Variants in UNC5D observed in about 807,000 individuals in gnomAD.
The protein encoded by UNC5D is unc-5 netrin receptor D.
A neutral mutation model predicts 105.4 loss-of-function variants in UNC5D; 39 were observed. That is an observed-to-expected ratio of 0.37 (90% CI 0.29 to 0.48). The LOEUF (loss-of-function observed/expected upper bound fraction) is 0.48. UNC5D is among the 20% of genes least tolerant of loss of function. UNC5D has a pLI of 0.98. For synonymous variants in UNC5D, 452 were observed against 450.4 expected (o/e 1.00, Z -0.04); for missense variants, 991 against 1,202.4 (o/e 0.82, Z 2.60).
chr8:35,361,432 G>A (rs1328582277), intron 1 of UNC5D, among the ~76,000 whole-genome samples: 2 of 152,112 alleles, frequency 1.3e-5, no homozygotes, highest in African/African-American at 4.8e-5. Context: ...TAACCTCCAT[G>A]AGACAACACA....
chr8:35,493,331 T>G (rs1416759497), intron 1 of UNC5D, among the ~76,000 whole-genome samples: 4 of 117,070 alleles, frequency 3.4e-5, no homozygotes, highest in African/African-American at 1.3e-4. Context: ...AACAAAAAAA[T>G]TCAACAGTTT....
chr8:35,747,534 G>C (rs1420305596), intron 11 of UNC5D, among the ~76,000 whole-genome samples: 1 of 152,096 alleles, frequency 6.6e-6, no homozygotes, highest in East Asian at 1.9e-4. Context: ...CCGTAGCATT[G>C]CTCTATATTC....
intron 1 of UNC5D, among the ~76,000 whole-genome samples, chr8:35,261,503 A>G (rs1804490334): frequency 6.6e-6 from 1 of 152,286 alleles, no homozygotes; most frequent in African/African-American, 2.4e-5. Context: ...AGAATCCAAA[A>G]GGTAAACAGC....
chr8:35,425,656 A>G (rs903218733), intron 1 of UNC5D, among the ~76,000 whole-genome samples: 1 of 152,078 alleles, frequency 6.6e-6, no homozygotes, highest in African/African-American at 2.4e-5. Flanking sequence ...CCTCAGAACC[A>G]ATTGTCTTTC....
intron 2 of UNC5D, among the ~76,000 whole-genome samples, chr8:35,556,109 A>T (rs938735167): frequency 6.6e-6 from 1 of 152,112 alleles, no homozygotes; most frequent in Non-Finnish European, 1.5e-5. Flanking sequence ...ATCACATAGC[A>T]CCTAATACAT....
chr8:35,383,394 G>A (rs1296962828), intron 1 of UNC5D, among the ~76,000 whole-genome samples: 3 of 152,172 alleles, frequency 2.0e-5, no homozygotes, highest in Non-Finnish European at 4.4e-5. Context: ...ATAGTCACGT[G>A]GAAGGAATGA....
chr8:35,397,563 A>G (rs1480358778), intron 1 of UNC5D, among the ~76,000 whole-genome samples: 1 of 152,202 alleles, frequency 6.6e-6, no homozygotes, highest in Non-Finnish European at 1.5e-5. Flanking sequence ...CTCAAGTTGC[A>G]CTTAACATCA....
Position 35,678,614 on chromosome 8 carries a change from TATG to T in UNC5D, c.571-4930_571-4928del, listed in dbSNP as rs1359184238. 5.9e-5 allele frequency among the ~76,000 whole-genome samples: 9 copies of T among 152,190 alleles called. No individual in the cohort carries two copies. The East Asian group carries it at 1.3e-3, about 23-fold the overall frequency. On this transcript the variant is annotated intron_variant, in intron 4 of 16. Transcript: ENST00000404895. ...TATTATTGTTTTTGTTTCATAAATT[TATG>T]ATAACACTAACCATAATTTTATATA...
chr8:35,327,217 A>G (rs1563316075), intron 1 of UNC5D, among the ~76,000 whole-genome samples: 1 of 152,194 alleles, frequency 6.6e-6, no homozygotes. Flanking sequence ...TTCCCAAAGG[A>G]TATTTCAGTG....
chr8:35,424,077 T>A (rs1806090006), intron 1 of UNC5D, among the ~76,000 whole-genome samples: 1 of 152,118 alleles, frequency 6.6e-6, no homozygotes, highest in Non-Finnish European at 1.5e-5. Context: ...TGGGATTATA[T>A]ACATGAGCCA....
At chr8:35,390,732 TTC>T (rs1218149823) in intron 1 of UNC5D, among the ~76,000 whole-genome samples, 1 of 152,222 alleles carries the variant, frequency 6.6e-6, no homozygotes, top group African/African-American at 2.4e-5. Context: ...TCTCAATAGT[TTC>T]TCTTTATGGA....
At chr8:35,607,771 G>A (rs1820403134) in intron 4 of UNC5D, among the ~76,000 whole-genome samples, 1 of 151,942 alleles carries the variant, frequency 6.6e-6, no homozygotes, top group Admixed American at 6.6e-5. Context: ...GAGGTACCTT[G>A]CTTCCCCTTC....
intron 1 of UNC5D, among the ~76,000 whole-genome samples, chr8:35,366,699 T>A (rs1208511455): frequency 1.3e-5 from 2 of 152,248 alleles, no homozygotes; most frequent in East Asian, 3.9e-4. Flanking sequence ...GGATGCTGGA[T>A]AATGTGCATT....
intron 1 of UNC5D, among the ~76,000 whole-genome samples, chr8:35,460,706 A>T (rs954456402): frequency 6.6e-6 from 1 of 152,202 alleles, no homozygotes; most frequent in Non-Finnish European, 1.5e-5. Context: ...CTTTGCACGC[A>T]TGTTGGAGAC....
intron 1 of UNC5D, among the ~76,000 whole-genome samples, chr8:35,493,486 A>G (rs1414841408): frequency 6.6e-6 from 1 of 151,734 alleles, no homozygotes; most frequent in Non-Finnish European, 1.5e-5. Context: ...ACTTGATAGC[A>G]TTTTCTTATG....
At chr8:35,360,618 T>G (rs1801804873) in intron 1 of UNC5D, among the ~76,000 whole-genome samples, 1 of 152,188 alleles carries the variant, frequency 6.6e-6, no homozygotes, top group African/African-American at 2.4e-5. Context: ...CTATGTTCTG[T>G]GTGTCCACAT....
At chr8:35,239,319 C>T (rs889470733) in intron 1 of UNC5D, among the ~76,000 whole-genome samples, 5 of 152,146 alleles carry the variant, frequency 3.3e-5, no homozygotes, top group African/African-American at 1.2e-4. Flanking sequence ...TAGTTCTACA[C>T]TGCGCTGTCT....
chr8:35,628,649 G>A (rs374194882), intron 4 of UNC5D, among the ~76,000 whole-genome samples: 7 of 152,114 alleles, frequency 4.6e-5, no homozygotes, highest in African/African-American at 1.7e-4. Context: ...AATGGATTAG[G>A]TATTAAATTA....
At chr8:35,306,192 T>C (rs1202485249) in intron 1 of UNC5D, among the ~76,000 whole-genome samples, 1 of 151,806 alleles carries the variant, frequency 6.6e-6, no homozygotes, top group Non-Finnish European at 1.5e-5. Context: ...AAATGTAAAA[T>C]TAGGAACATT....
Sources: gnomAD v4.1 joint callset for allele counts (sites outside exome capture counted in the v4.1 genomes callset) on GRCh38, gnomAD v4.1.1 for gene constraint, MANE v1.5 for transcripts, NCBI Gene and HGNC (gene_info 2026-07-23, HGNC 2026-07-21) for gene names.